The following RNF19B variants were observed in gnomAD, a reference collection of about 807,000 sequenced individuals.
The protein encoded by RNF19B is ring finger protein 19B.
In RNF19B, 23 loss-of-function variants were observed where a neutral mutation model predicts 65.5. That is an observed-to-expected ratio of 0.35 (90% CI 0.25 to 0.50). The LOEUF (loss-of-function observed/expected upper bound fraction) is 0.50. Ranked by LOEUF, RNF19B falls within the 20% of genes least tolerant of loss-of-function variation. The probability of loss-of-function intolerance (pLI) is 0.98; values close to 1 mark genes in which losing one functional copy is unlikely to be tolerated. For synonymous variants in RNF19B, 372 were observed against 379.6 expected (o/e 0.98, Z 0.23); for missense variants, 794 against 980.0 (o/e 0.81, Z 2.53).
intron 1 of RNF19B, among the ~76,000 whole-genome samples, chr1:32,960,006 G>C (rs1232288859): frequency 6.6e-6 from 1 of 151,812 alleles, no homozygotes; most frequent in African/African-American, 2.4e-5. Context: ...AGCAGAGATG[G>C]TGCCACTGCA....
In RNF19B at chr1:32,943,072, C is replaced by T. The variant is rs137993587; in HGVS notation, c.1403-613G>A. Among the ~76,000 whole-genome samples the T allele has an allele frequency of 3.8e-3, 568 of 150,838 alleles. 4 individuals are homozygous for T. The highest frequency in any genetic ancestry group is 0.013 in the African/African-American group (538 of 41,044). ...AGGAGAATGACGCGAACCCAGGAGC[C>T]GGAGCCTGCAGTGAGCCAGGACCAT... On this transcript the variant is annotated intron_variant, in intron 6 of 8. Transcript: ENST00000235150.
In RNF19B at chr1:32,937,520, AG is replaced by A. The variant is rs1157052378; in HGVS notation, c.1743-262del. 2.6e-5 allele frequency among the ~76,000 whole-genome samples: 4 copies of A among 152,084 alleles called. No homozygotes were observed. The East Asian group carries it at 7.7e-4, about 29-fold the overall frequency. ...TGAGTCCAGGAGTTTGAGACCAGCC[AG>A]GGCAACAAAGTCAGACCCTGTTTCT... is the stretch of plus-strand genomic sequence containing the variant. On this transcript the variant is annotated intron_variant, in intron 8 of 8. Coordinates refer to ENST00000235150, the MANE Select transcript of RNF19B (RefSeq NM_001300826.2).
At position 32,964,393 on chromosome 1, in the gene RNF19B, T is replaced by TCCGCCG. The variant is rs758420437; in HGVS notation, c.287_292dup (p.Ala96_Ala97dup). On this transcript the variant is annotated inframe_insertion, in exon 1 of 9. Transcript: ENST00000235150. The surrounding 1 kb of genome is among the most constrained non-coding windows in gnomAD (Gnocchi z 6.5). ...CGCCTCCTCATCGTCGAACCCAGGC[T>TCCGCCG]CCGCCGCCGCCGCCGCGGCCTCCGC... The TCCGCCG allele has an allele frequency of 3.8e-6, 5 of 1,304,682 alleles. No individual in the cohort carries two copies. Among genetic ancestry groups the TCCGCCG allele is most frequent in the Admixed American group, 3.6e-5 (1 of 28,122 alleles). 80.8% of individuals were successfully genotyped at this position (1,304,682 alleles called of 1,614,324 possible).
chr1:32,945,458 T>C, intron 5 of RNF19B, 56 bp downstream of exon 5: 2 of 1,149,270 alleles, frequency 1.7e-6, no homozygotes, highest in Admixed American at 3.5e-5. Context: ...GCCATCTGGC[T>C]AAACTGCTAT....
the RNF19B span, among the ~76,000 whole-genome samples, chr1:32,930,786 A>G: frequency 6.6e-6 from 1 of 152,090 alleles, no homozygotes; most frequent in African/African-American, 2.4e-5. Context: ...TCATCCAACA[A>G]CCTGTTAAGA....
chr1:32,935,936 G>A (rs1325322246), downstream of RNF19B, among the ~76,000 whole-genome samples: 1 of 151,828 alleles, frequency 6.6e-6, no homozygotes. Context: ...TTTAATAGAG[G>A]CGTGGTTTCA....
chr1:32,947,488 G>A (rs897276712), intron 3 of RNF19B, among the ~76,000 whole-genome samples: 1 of 151,862 alleles, frequency 6.6e-6, no homozygotes, highest in African/African-American at 2.4e-5. Context: ...GTGAAACCCC[G>A]CCTCCACTAA....
the RNF19B span, among the ~76,000 whole-genome samples, chr1:32,929,313 A>G: frequency 1.3e-5 from 2 of 152,194 alleles, no homozygotes; most frequent in African/African-American, 2.4e-5. Flanking sequence ...GGGCCACCCT[A>G]TGCCAATAAG....
At position 32,964,519 on chromosome 1, in the gene RNF19B, G is replaced by T; in HGVS notation, c.167C>A (p.Pro56Gln). 1 of 1,005,556 alleles carries T rather than the reference G, an allele frequency of 9.9e-7. No individual in the cohort carries two copies. 62.3% of individuals were successfully genotyped at this position (1,005,556 alleles called of 1,614,324 possible). The change falls in exon 1 of 9, where the codon CCG (proline) becomes CAG (glutamine). Residue 56 changes from proline (P) to glutamine (Q), a missense_variant. Around this residue, in one of 3 missense-constraint regions of RNF19B, gnomAD observed 374 missense variants for 423.8 expected, o/e 0.88. Transcript: ENST00000235150. This position sits in a 1 kb window ranked among gnomAD's most constrained non-coding sequence, Gnocchi z 6.5. ...RRARAKPQAE[P>Q]PPPAAQPPPA... Reference sequence around the variant, plus strand: ...CGGCGGCTGCGCAGCCGGGGGCGGCGGCTCGGCCTGCGGCTTGGCCCGGGC... The same window carrying T: ...CGGCGGCTGCGCAGCCGGGGGCGGCTGCTCGGCCTGCGGCTTGGCCCGGGC...
At chr1:32,934,882 G>A (rs747659175), downstream of RNF19B, among the ~76,000 whole-genome samples, 5 of 152,100 alleles carry the variant, frequency 3.3e-5, no homozygotes, top group Non-Finnish European at 4.4e-5. Context: ...ACCCAGGCTG[G>A]AGTGCAAAGG....
intron 1 of RNF19B, among the ~76,000 whole-genome samples, chr1:32,960,278 GC>G (rs1642739336): frequency 6.6e-6 from 1 of 152,090 alleles, no homozygotes; most frequent in Non-Finnish European, 1.5e-5. Flanking sequence ...TTGCTCACAT[GC>G]CCCCCTCACC....
At chr1:32,935,076 C>T (rs187300003), downstream of RNF19B, among the ~76,000 whole-genome samples, 263 of 152,008 alleles carry the variant, frequency 1.7e-3, no homozygotes, top group Non-Finnish European at 3.1e-3. Context: ...GTGATTCACC[C>T]GCCTTGGCCT....
intron 1 of RNF19B, among the ~76,000 whole-genome samples, chr1:32,963,241 C>T (rs888218389): frequency 2.6e-5 from 4 of 152,152 alleles, no homozygotes; most frequent in Non-Finnish European, 5.9e-5. Context: ...TACCCGAGAG[C>T]CTATTCCCCA....
At chr1:32,949,114 TTTAAGG>T (rs1388717706) in intron 2 of RNF19B, among the ~76,000 whole-genome samples, 16 of 152,218 alleles carry the variant, frequency 1.1e-4, no homozygotes, top group Non-Finnish European at 1.9e-4. Context: ...CATTCCTCCT[TTTAAGG>T]TTAATCATTA....
intron 7 of RNF19B, 97 bp from the exon 8 acceptor site, chr1:32,938,625 T>C: frequency 1.5e-6 from 2 of 1,301,654 alleles, no homozygotes; most frequent in Non-Finnish European, 2.2e-6. Context: ...CTCTTGCAAA[T>C]TGTGGTTGTC....
At chr1:32,957,840 A>C (rs755884559) in intron 1 of RNF19B, among the ~76,000 whole-genome samples, 1 of 152,220 alleles carries the variant, frequency 6.6e-6, no homozygotes, top group Non-Finnish European at 1.5e-5. Context: ...TCTCAAAAAA[A>C]AGTTGTCTGT....
At chr1:32,957,586 C>A (rs1642669257) in intron 1 of RNF19B, among the ~76,000 whole-genome samples, 1 of 152,164 alleles carries the variant, frequency 6.6e-6, no homozygotes. Context: ...GTAATCCCAG[C>A]ACTTTGGGAG....
intron 1 of RNF19B, among the ~76,000 whole-genome samples, chr1:32,962,182 T>C (rs1426690425): frequency 1.3e-5 from 2 of 152,208 alleles, no homozygotes; most frequent in African/African-American, 2.4e-5. Context: ...TTGGCCAGGC[T>C]GGTCTTGAGC....
downstream of RNF19B, among the ~76,000 whole-genome samples, chr1:32,932,376 G>A (rs1439549880): frequency 1.3e-5 from 2 of 152,210 alleles, no homozygotes; most frequent in African/African-American, 4.8e-5. Flanking sequence ...ACATCTTGCA[G>A]GAGCAATAGC....
Sources: allele counts gnomAD v4.1 joint callset (sites outside exome capture counted in the v4.1 genomes callset), GRCh38; gene constraint gnomAD v4.1.1; regional missense constraint gnomAD v4.1.1; non-coding constraint Gnocchi (gnomAD v3.1); transcripts MANE v1.5; gene names NCBI Gene and HGNC (gene_info 2026-07-23, HGNC 2026-07-21).